SPOCK1: variants seen among roughly 807,000 people sequenced by gnomAD.
SPOCK1 encodes the protein SPARC (osteonectin), cwcv and kazal like domains proteoglycan 1, also known as testican-1.
A neutral mutation model predicts 55.3 loss-of-function variants in SPOCK1; 23 were observed. That is an observed-to-expected ratio of 0.42 (90% CI 0.30 to 0.59). The LOEUF is 0.59. Among genes scored for constraint, SPOCK1 ranks in the 20% least tolerant of loss-of-function variants. The pLI is 0.22. For missense variants in SPOCK1, 499 were observed against 552.5 expected (o/e 0.90, Z 0.97); for synonymous variants, 226 against 221.0 (o/e 1.02, Z -0.20).
intron 2 of SPOCK1, among the ~76,000 whole-genome samples, chr5:137,475,456 G>T (rs1753820491): frequency 6.6e-6 from 1 of 152,164 alleles, no homozygotes; most frequent in East Asian, 1.9e-4. Context: ...TCTAGCTAAA[G>T]TAAGAAATTT....
intron 3 of SPOCK1, among the ~76,000 whole-genome samples, chr5:137,194,178 C>T (rs917117502): frequency 1.5e-4 from 23 of 152,278 alleles, no homozygotes; most frequent in African/African-American, 5.5e-4. Flanking sequence ...AGAGCCTGGG[C>T]CAGCCACTCC....
At chr5:137,187,087 T>G (rs575070485) in intron 3 of SPOCK1, among the ~76,000 whole-genome samples, 1 of 152,230 alleles carries the variant, frequency 6.6e-6, no homozygotes, top group Non-Finnish European at 1.5e-5. Flanking sequence ...TTATTCCTTA[T>G]GCTTTGCTGT....
chr5:137,207,584 T>C (rs1755542204), intron 3 of SPOCK1, among the ~76,000 whole-genome samples: 1 of 152,068 alleles, frequency 6.6e-6, no homozygotes, highest in African/African-American at 2.4e-5. Flanking sequence ...GAGACACCAC[T>C]GTGGGTGGAC....
chr5:137,441,675 C>T (rs554816521), intron 2 of SPOCK1, among the ~76,000 whole-genome samples: 6 of 152,238 alleles, frequency 3.9e-5, no homozygotes, highest in South Asian at 2.1e-4. Context: ...TTATGCTGCA[C>T]GGATGGCAAC....
intron 2 of SPOCK1, among the ~76,000 whole-genome samples, chr5:137,375,520 A>G (rs1271096590): frequency 6.6e-6 from 1 of 152,230 alleles, no homozygotes; most frequent in African/African-American, 2.4e-5. Context: ...ATGAGTATTT[A>G]GAGGTAAACA....
At chr5:137,260,738 T>A (rs893204543) in intron 3 of SPOCK1, among the ~76,000 whole-genome samples, 1 of 152,182 alleles carries the variant, frequency 6.6e-6, no homozygotes, top group Non-Finnish European at 1.5e-5. Context: ...ATATTTGAAT[T>A]AATAGCTTTC....
intron 3 of SPOCK1, among the ~76,000 whole-genome samples, chr5:137,233,202 G>C (rs748553569): frequency 3.3e-5 from 5 of 152,128 alleles, no homozygotes; most frequent in Admixed American, 2.0e-4. Flanking sequence ...TATTTATTGT[G>C]TACTTTATTT....
intron 3 of SPOCK1, among the ~76,000 whole-genome samples, chr5:137,178,603 T>A (rs1392697510): frequency 6.6e-6 from 1 of 152,070 alleles, no homozygotes; most frequent in East Asian, 1.9e-4. Flanking sequence ...CTCTACAGAG[T>A]CTGCGGGGGA....
intron 6 of SPOCK1, among the ~76,000 whole-genome samples, chr5:137,053,281 A>G (rs1463871962): frequency 1.3e-5 from 2 of 152,146 alleles, no homozygotes; most frequent in Non-Finnish European, 2.9e-5. Flanking sequence ...GTTATCACAG[A>G]AAGCCAATAA....
intron 3 of SPOCK1, among the ~76,000 whole-genome samples, chr5:137,213,847 CA>C (rs1554070507): frequency 1.3e-5 from 2 of 152,168 alleles, no homozygotes; most frequent in Non-Finnish European, 2.9e-5. Context: ...GCCCTGGAAC[CA>C]AATCTTGCCC....
At chr5:137,119,891 G>A (rs1039988843) in intron 4 of SPOCK1, among the ~76,000 whole-genome samples, 1 of 152,182 alleles carries the variant, frequency 6.6e-6, no homozygotes, top group Non-Finnish European at 1.5e-5. Flanking sequence ...ACCAGGCATT[G>A]TTTCAAGCCC....
chr5:137,151,120 T>C (rs1458345942), intron 3 of SPOCK1, among the ~76,000 whole-genome samples: 1 of 152,108 alleles, frequency 6.6e-6, no homozygotes, highest in African/African-American at 2.4e-5. Context: ...TACCAGATGG[T>C]AGTAGGTAAT....
At chr5:137,070,408 A>C (rs1040816836) in intron 5 of SPOCK1, among the ~76,000 whole-genome samples, 1 of 152,210 alleles carries the variant, frequency 6.6e-6, no homozygotes, top group Non-Finnish European at 1.5e-5. Context: ...ACAGCAAGAA[A>C]AGGTTTTAGT....
At chr5:137,034,816 G>C (rs1458542682) in intron 6 of SPOCK1, among the ~76,000 whole-genome samples, 1 of 152,180 alleles carries the variant, frequency 6.6e-6, no homozygotes, top group Non-Finnish European at 1.5e-5. Flanking sequence ...TGTGGCACTG[G>C]GGCCAGGCTG....
At chr5:137,160,345 TTATATTATATAAA>T (rs1333629597) in intron 3 of SPOCK1, among the ~76,000 whole-genome samples, 86 of 133,768 alleles carry the variant, frequency 6.4e-4, no homozygotes, top group African/African-American at 2.3e-3. Context: ...ATATATTATA[TTATATTATATAAA>T]TATATAAATA....
chr5:137,011,205 A>G (rs1345799306), intron 6 of SPOCK1, among the ~76,000 whole-genome samples: 1 of 152,208 alleles, frequency 6.6e-6, no homozygotes, highest in Non-Finnish European at 1.5e-5. Context: ...CATTGAAGAA[A>G]ACAAAGGTAC....
intron 3 of SPOCK1, among the ~76,000 whole-genome samples, chr5:137,193,593 T>C (rs1755231875): frequency 6.6e-6 from 1 of 152,180 alleles, no homozygotes; most frequent in Non-Finnish European, 1.5e-5. Context: ...ACGAGAATTA[T>C]AAGTCATGCT....
At chr5:137,081,606 C>A (rs147940927) in intron 5 of SPOCK1, among the ~76,000 whole-genome samples, 1 of 152,148 alleles carries the variant, frequency 6.6e-6, no homozygotes, top group African/African-American at 2.4e-5. Flanking sequence ...ATAAAGCCTG[C>A]GTATGTCCAT....
chr5:137,259,034 C>T (rs563399408), intron 3 of SPOCK1, among the ~76,000 whole-genome samples: 17 of 152,266 alleles, frequency 1.1e-4, no homozygotes, highest in Middle Eastern at 3.4e-3. Flanking sequence ...CAGGAAGAAA[C>T]GCTCTTTGTA....
Sources: gnomAD v4.1 joint callset for allele counts (sites outside exome capture counted in the v4.1 genomes callset) on GRCh38, gnomAD v4.1.1 for gene constraint, MANE v1.5 for transcripts, NCBI Gene and HGNC (gene_info 2026-07-23, HGNC 2026-07-21) for gene names.